ELMO1: variants seen among roughly 807,000 people sequenced by gnomAD.
ELMO1 encodes engulfment and cell motility 1.
ELMO1 carries 26 observed loss-of-function variants against 98.9 expected under a neutral mutation model. That is an observed-to-expected ratio of 0.26 (90% CI 0.19 to 0.36). The LOEUF is 0.36. Among genes scored for constraint, ELMO1 ranks in the 10% least tolerant of loss-of-function variants. ELMO1 has a pLI of 1.00. For missense variants in ELMO1, 627 were observed against 935.2 expected (o/e 0.67, Z 4.30); for synonymous variants, 346 against 346.0 (o/e 1.00, Z 0.00).
At chr7:37,173,525 GAT>G (rs150005493) in intron 13 of ELMO1, among the ~76,000 whole-genome samples, 2,212 of 152,352 alleles carry the variant, frequency 0.015, 56 homozygotes, top group African/African-American at 0.05. Flanking sequence ...CAAAAGCACA[GAT>G]AGCTCCTAGT....
intron 13 of ELMO1, among the ~76,000 whole-genome samples, chr7:37,186,631 T>G (rs957038865): frequency 2.0e-5 from 3 of 152,090 alleles, no homozygotes; most frequent in Admixed American, 6.6e-5. Flanking sequence ...AACAGCCCAA[T>G]TAACAAACAA....
At chr7:37,278,310 T>A (rs1207542089) in intron 4 of ELMO1, among the ~76,000 whole-genome samples, 1 of 151,976 alleles carries the variant, frequency 6.6e-6, no homozygotes, top group Admixed American at 6.6e-5. Context: ...TCCTAGATAA[T>A]CTCAATGGGC....
rs539155558 is a variant in ELMO1, at chr7:37,204,763, C to T, written c.1086+6623G>A. Among the ~76,000 whole-genome samples, 219 of 152,196 alleles carry T rather than the reference C, an allele frequency of 1.4e-3. 1 individual carries two copies. The highest frequency in any genetic ancestry group is 8.7e-3 in the South Asian group (42 of 4,816). ...TACAAACCTTTAGCTAGACACAGAG[C>T]ACTGATTGGTGCATTTACAATCCTT... On this transcript the variant is annotated intron_variant, in intron 13 of 21. Transcript: ENST00000310758.
intron 15 of ELMO1, among the ~76,000 whole-genome samples, chr7:37,015,939 C>A (rs1033828186): frequency 2.0e-5 from 3 of 152,156 alleles, no homozygotes; most frequent in African/African-American, 7.2e-5. Flanking sequence ...CGATACAAAG[C>A]TATTTAAGAA....
chr7:37,022,621 A>T (rs1382884385), intron 15 of ELMO1, among the ~76,000 whole-genome samples: 2 of 152,238 alleles, frequency 1.3e-5, no homozygotes, highest in Admixed American at 1.3e-4. Context: ...ATCATCATCC[A>T]CTGTTGATGG....
chr7:36,863,837 T>C (rs1277786945), intron 20 of ELMO1, among the ~76,000 whole-genome samples: 1 of 152,142 alleles, frequency 6.6e-6, no homozygotes, highest in Non-Finnish European at 1.5e-5. Flanking sequence ...TTCAACAAAA[T>C]GCTAAGCTAT....
At chr7:37,251,528 C>G (rs1398848452) in intron 6 of ELMO1, among the ~76,000 whole-genome samples, 1 of 152,180 alleles carries the variant, frequency 6.6e-6, no homozygotes, top group Admixed American at 6.5e-5. Flanking sequence ...CAAAATCTCT[C>G]ACCATTTGCT....
intron 13 of ELMO1, among the ~76,000 whole-genome samples, chr7:37,136,457 T>C (rs1787270664): frequency 1.3e-5 from 2 of 152,120 alleles, no homozygotes; most frequent in Non-Finnish European, 2.9e-5. Flanking sequence ...AAAGAAAATC[T>C]GAAGAGCAGT....
chr7:36,923,751 G>A (rs1436409090), intron 16 of ELMO1, among the ~76,000 whole-genome samples: 5 of 152,176 alleles, frequency 3.3e-5, no homozygotes, highest in African/African-American at 7.2e-5. Flanking sequence ...AATAAATTAT[G>A]AGAACTATAA....
intron 15 of ELMO1, among the ~76,000 whole-genome samples, chr7:37,046,069 G>A (rs1183915057): frequency 6.6e-6 from 1 of 151,816 alleles, no homozygotes; most frequent in African/African-American, 2.4e-5. Context: ...TCAATCCTAA[G>A]TTTATAATCA....
intron 1 of ELMO1, among the ~76,000 whole-genome samples, chr7:37,382,829 G>C (rs890097729): frequency 6.6e-6 from 1 of 151,328 alleles, no homozygotes; most frequent in Non-Finnish European, 1.5e-5. Flanking sequence ...TTTCTCCCAG[G>C]TGTATGCATG....
intron 13 of ELMO1, among the ~76,000 whole-genome samples, chr7:37,160,135 T>C (rs948978923): frequency 5.3e-5 from 8 of 152,224 alleles, no homozygotes; most frequent in Non-Finnish European, 8.8e-5. Context: ...AATGCGTGCT[T>C]GCATTTGATA....
chr7:36,984,628 C>T (rs7799336), intron 16 of ELMO1, among the ~76,000 whole-genome samples: 66 of 152,202 alleles, frequency 4.3e-4, no homozygotes, highest in African/African-American at 1.5e-3. Flanking sequence ...TTAAAAAGGA[C>T]AACCAATAAG....
At chr7:37,068,834 G>A (rs1278772595) in intron 15 of ELMO1, among the ~76,000 whole-genome samples, 1 of 152,140 alleles carries the variant, frequency 6.6e-6, no homozygotes, top group Non-Finnish European at 1.5e-5. Context: ...ACATAGTAAT[G>A]AGCCCGACTC....
At chr7:37,155,656 G>A (rs1409169862) in intron 13 of ELMO1, among the ~76,000 whole-genome samples, 1 of 152,018 alleles carries the variant, frequency 6.6e-6, no homozygotes, top group Non-Finnish European at 1.5e-5. Flanking sequence ...CAATACAGGA[G>A]CATCCAGATT....
At chr7:37,059,230 G>A (rs1366326685) in intron 15 of ELMO1, among the ~76,000 whole-genome samples, 1 of 152,158 alleles carries the variant, frequency 6.6e-6, no homozygotes, top group East Asian at 1.9e-4. Flanking sequence ...TCCAGTGGGG[G>A]CTTTTACAGA....
chr7:36,890,477 G>A (rs1584318510), intron 17 of ELMO1, among the ~76,000 whole-genome samples: 2 of 152,082 alleles, frequency 1.3e-5, no homozygotes, highest in South Asian at 4.1e-4. Context: ...ATCCAAAGCC[G>A]AACTTCTGAT....
At chr7:37,040,409 G>A (rs759682956) in intron 15 of ELMO1, among the ~76,000 whole-genome samples, 1 of 152,154 alleles carries the variant, frequency 6.6e-6, no homozygotes, top group Non-Finnish European at 1.5e-5. Context: ...AAGACCAACA[G>A]AAGAGAACTC....
intron 13 of ELMO1, among the ~76,000 whole-genome samples, chr7:37,187,576 T>G (rs999085108): frequency 6.6e-6 from 1 of 152,220 alleles, no homozygotes; most frequent in Non-Finnish European, 1.5e-5. Flanking sequence ...ATGCTTTTAG[T>G]GTACAGCATT....
Sources: gnomAD v4.1 joint callset for allele counts (sites outside exome capture counted in the v4.1 genomes callset) on GRCh38, gnomAD v4.1.1 for gene constraint, MANE v1.5 for transcripts, NCBI Gene and HGNC (gene_info 2026-07-23, HGNC 2026-07-21) for gene names.